NUP43: variants seen among roughly 807,000 people sequenced by gnomAD.
The protein encoded by NUP43 is nucleoporin 43.
A neutral mutation model predicts 47.3 loss-of-function variants in NUP43; 32 were observed. That is an observed-to-expected ratio of 0.68 (90% CI 0.51 to 0.91). The LOEUF is 0.91. Among genes scored for constraint, NUP43 ranks in the 40% least tolerant of loss-of-function variants. NUP43 has a pLI of 0.00. For missense variants in NUP43, 444 were observed against 453.9 expected (o/e 0.98, Z 0.20); for synonymous variants, 147 against 158.4 (o/e 0.93, Z 0.54).
At chr6:149,735,600 A>G (rs1293873883) in intron 6 of NUP43, among the ~76,000 whole-genome samples, 9 of 144,954 alleles carry the variant, frequency 6.2e-5, no homozygotes, top group African/African-American at 2.1e-4. Flanking sequence ...CCTGTCTCCA[A>G]AAAAAAAAAA....
intron 7 of NUP43, among the ~76,000 whole-genome samples, chr6:149,728,983 T>G (rs181360482): frequency 2.3e-4 from 35 of 152,034 alleles, no homozygotes; most frequent in Admixed American, 4.6e-4. Flanking sequence ...TATTTGGCCA[T>G]GTTATTTTCC....
At chr6:149,736,782 T>G (rs560870449) in intron 5 of NUP43, among the ~76,000 whole-genome samples, 160 bp from the exon 6 acceptor site, 5 of 152,318 alleles carry the variant, frequency 3.3e-5, no homozygotes, top group Non-Finnish European at 5.9e-5. Flanking sequence ...TCAAACTCCC[T>G]GGGCTCAGGT....
intron 4 of NUP43, among the ~76,000 whole-genome samples, chr6:149,739,080 A>G (rs531228225): frequency 9.1e-4 from 138 of 151,402 alleles, no homozygotes; most frequent in African/African-American, 3.3e-3. Context: ...TCTCGGATTC[A>G]AGCTATTCTC....
chr6:149,734,527 G>C (rs1463294077), intron 6 of NUP43, among the ~76,000 whole-genome samples: 2 of 151,856 alleles, frequency 1.3e-5, no homozygotes, highest in African/African-American at 4.8e-5. Context: ...GCCGGGCGCA[G>C]TGGCTCACAC....
At chr6:149,738,180 C>T (rs1194571508) in intron 5 of NUP43, among the ~76,000 whole-genome samples, 1 of 152,132 alleles carries the variant, frequency 6.6e-6, no homozygotes, top group East Asian at 1.9e-4. Flanking sequence ...AAAACTCATA[C>T]ATCAATTATA....
chr6:149,727,129 C>T lies in NUP43; in HGVS notation c.983G>A (p.Ser328Asn), dbSNP rs1448327621. Residue 328 changes from serine (S) to asparagine (N), a missense_variant, in exon 8 of 8, where the codon AGC becomes AAC. Physicochemically the swap from Ser to Asn is conservative, Grantham distance 46 (BLOSUM62 1). Transcript: ENST00000340413. ...TGCAGGATCAGTGCTGAGCCAGGAGCTAATGACAGACTGGTGAACATTAGC... is the reference window on the plus strand; with the variant it reads ...TGCAGGATCAGTGCTGAGCCAGGAGTTAATGACAGACTGGTGAACATTAGC... ...NQANVHQSVI[S>N]SWLSTDPAKD... 1 of 1,614,020 alleles carries T rather than the reference C, an allele frequency of 6.2e-7. No homozygotes were observed. Among genetic ancestry groups the T allele is most frequent in the East Asian group, 2.2e-5 (1 of 44,870 alleles).
At chr6:149,731,768 T>C (rs763002963) in intron 6 of NUP43, 33 bp from the exon 7 acceptor site, 1 of 1,606,720 alleles carries the variant, frequency 6.2e-7, no homozygotes, top group South Asian at 1.1e-5. Context: ...CTCATTCCTG[T>C]GCAGATTCGC....
rs1431481188 is a variant in NUP43, at chr6:149,726,929, A to C, written c.*40T>G. 6.7e-7 allele frequency: 1 copy of C among 1,502,266 alleles called. No homozygotes were observed. The highest frequency in any genetic ancestry group is 2.3e-5 in the East Asian group (1 of 43,190). 93.1% of individuals were successfully genotyped at this position (1,502,266 alleles called of 1,614,324 possible). ...CACAGAAGTTGGATTTCAAAAGGCT[A>C]ATTGCATGTTCTATCTGAAATCTTA... is the stretch of plus-strand genomic sequence containing the variant. On this transcript the variant is annotated 3_prime_UTR_variant, in exon 8 of 8. Transcript: ENST00000340413.
At chr6:149,734,781 G>GAACACAGA (rs1785235106) in intron 6 of NUP43, among the ~76,000 whole-genome samples, 1 of 108,788 alleles carries the variant, frequency 9.2e-6, no homozygotes, top group African/African-American at 3.6e-5. Flanking sequence ...CTGGGCGACA[G>GAACACAGA]AACAAGACTC....
chr6:149,731,098 T>A (rs1369868748), intron 7 of NUP43, among the ~76,000 whole-genome samples: 1 of 151,574 alleles, frequency 6.6e-6, no homozygotes, highest in Non-Finnish European at 1.5e-5. Flanking sequence ...CAAAACCCCA[T>A]CTCTACTAAA....
chr6:149,726,938 TTCTA>T lies in NUP43; in HGVS notation c.*27_*30del, dbSNP rs1784813522. The T allele has an allele frequency of 1.9e-6, 3 of 1,552,668 alleles. No homozygotes were observed. Among genetic ancestry groups the T allele is most frequent in the Non-Finnish European group, 2.7e-6 (3 of 1,127,602 alleles). ...TGGATTTCAAAAGGCTAATTGCATG[TTCTA>T]TCTGAAATCTTATAATTATAGTACT... On this transcript the variant is annotated 3_prime_UTR_variant, in exon 8 of 8. Transcript: ENST00000340413.
intron 6 of NUP43, among the ~76,000 whole-genome samples, chr6:149,732,012 T>C (rs768660016): frequency 2.6e-5 from 4 of 151,596 alleles, no homozygotes; most frequent in African/African-American, 9.7e-5. Flanking sequence ...TGAAACACCA[T>C]CTCTACTAAA....
chr6:149,729,418 G>GT, intron 7 of NUP43: 2 of 483,028 alleles, frequency 4.1e-6, no homozygotes, highest in African/African-American at 4.2e-5. Flanking sequence ...TTAATGGTGG[G>GT]TGACTGGAAG....
intron 1 of NUP43, 113 bp downstream of exon 1, chr6:149,746,263 G>A (rs1396907564): frequency 3.4e-6 from 5 of 1,478,676 alleles, no homozygotes; most frequent in Non-Finnish European, 4.6e-6. Flanking sequence ...GGGTCCGGGG[G>A]ACCTAAAAGT....
intron 2 of NUP43, among the ~76,000 whole-genome samples, chr6:149,744,076 C>G (rs989803205): frequency 6.6e-6 from 1 of 151,716 alleles, no homozygotes; most frequent in Admixed American, 6.6e-5. Context: ...GAGTTCAAGA[C>G]CAGCCTGCGC....
chr6:149,740,275 CAAA>C (rs766447484), intron 4 of NUP43, among the ~76,000 whole-genome samples: 1 of 22,442 alleles, frequency 4.5e-5, no homozygotes, highest in Non-Finnish European at 7.3e-5. Flanking sequence ...GACCCTGTCT[CAAA>C]AAAAAAAAAA....
chr6:149,746,306 C>T lies in NUP43; in HGVS notation c.120+70G>A, dbSNP rs943603090. The T allele has an allele frequency of 2.0e-5, 32 of 1,579,344 alleles. No individual in the cohort carries two copies. The African/African-American group carries it at 4.1e-4, about 20-fold the overall frequency. ...GAACCAGAAGGTGGGAGTTGGCGCG[C>T]GGAAGGCCAGGGGTCAGCTCAACCG... On this transcript the variant is annotated intron_variant, in intron 1 of 7. Coordinates refer to ENST00000340413, the MANE Select transcript of NUP43 (RefSeq NM_198887.3).
At chr6:149,745,506 G>A (rs534281491) in intron 2 of NUP43, among the ~76,000 whole-genome samples, 1 of 152,050 alleles carries the variant, frequency 6.6e-6, no homozygotes, top group South Asian at 2.1e-4. Flanking sequence ...TCTTTAAAAC[G>A]GGAGCACTAA....
chr6:149,746,022 T>C lies in NUP43; in HGVS notation c.161A>G (p.Asn54Ser). The change falls in exon 2 of 8, where the codon AAC becomes AGC. Residue 54 changes from asparagine to serine, a missense_variant. Coordinates refer to ENST00000340413, the MANE Select transcript of NUP43 (RefSeq NM_198887.3). ...TTCAAACCCTCCATCAGAGTCCAAG[T>C]TTCCAAAATCTCCAATAGACCACAG... ...ISLWSIGDFGNLDSDGGFEGD... is the reference protein window; with the variant it reads ...ISLWSIGDFGSLDSDGGFEGD... The C allele has an allele frequency of 1.2e-6, 2 of 1,613,848 alleles. No homozygotes were observed. Among genetic ancestry groups the C allele is most frequent in the Non-Finnish European group, 8.5e-7 (1 of 1,179,866 alleles).
Sources: allele counts gnomAD v4.1 joint callset (sites outside exome capture counted in the v4.1 genomes callset), GRCh38; gene constraint gnomAD v4.1.1; transcripts MANE v1.5; gene names NCBI Gene and HGNC (gene_info 2026-07-23, HGNC 2026-07-21).